Variants in PIK3AP1 observed in about 807,000 individuals in gnomAD.
The protein encoded by PIK3AP1 is phosphoinositide 3-kinase adapter protein 1.
Under a neutral mutation model 88.1 loss-of-function variants are expected in PIK3AP1, and 21 were observed. The ratio of observed to expected loss-of-function variants is 0.24; its 90% confidence interval spans 0.17 to 0.34. The LOEUF (loss-of-function observed/expected upper bound fraction) is 0.34. Ranked by LOEUF, PIK3AP1 falls within the 10% of genes least tolerant of loss-of-function variation. PIK3AP1 has a pLI of 1.00. For missense variants in PIK3AP1, 828 were observed against 1,035.7 expected, an observed-to-expected ratio of 0.80 and a Z score of 2.75; for synonymous variants, 398 against 400.0, an observed-to-expected ratio of 1.00 and a Z score of 0.06.
intron 16 of PIK3AP1, among the ~76,000 whole-genome samples, chr10:96,598,915 G>C (rs957537667): frequency 6.6e-6 from 1 of 152,250 alleles, no homozygotes; most frequent in Admixed American, 6.5e-5. Context: ...AGAGGGGCAG[G>C]ACTTGAGCTA....
At chr10:96,704,439 T>G (rs112230838) in intron 2 of PIK3AP1, among the ~76,000 whole-genome samples, 1 of 152,180 alleles carries the variant, frequency 6.6e-6, no homozygotes, top group South Asian at 2.1e-4. Context: ...AGAATCTGGC[T>G]GGGTGCGGTG....
chr10:96,596,487 A>G (rs925117070), intron 16 of PIK3AP1, among the ~76,000 whole-genome samples: 3 of 152,126 alleles, frequency 2.0e-5, no homozygotes, highest in African/African-American at 7.2e-5. Context: ...CCTACATAAT[A>G]ATAAAACCTA....
chr10:96,666,849 G>A (rs540487056), intron 2 of PIK3AP1, among the ~76,000 whole-genome samples: 4 of 152,056 alleles, frequency 2.6e-5, no homozygotes, highest in Admixed American at 1.3e-4. Context: ...GCAGCAGCAC[G>A]GAGCAGAGGT....
At chr10:96,617,728 A>G (rs1489906579) in intron 12 of PIK3AP1, among the ~76,000 whole-genome samples, 1 of 152,162 alleles carries the variant, frequency 6.6e-6, no homozygotes, top group Non-Finnish European at 1.5e-5. Flanking sequence ...TGACTGGGTG[A>G]GCGGAAGCAC....
chr10:96,604,860 A>G (rs1473371023), intron 14 of PIK3AP1, among the ~76,000 whole-genome samples: 3 of 152,074 alleles, frequency 2.0e-5, no homozygotes, highest in Non-Finnish European at 4.4e-5. Context: ...ACTCAAAAGT[A>G]TAATTTTTTT....
rs545863679 is a variant in PIK3AP1 at position 96,693,281 on chromosome 10, A to C, written c.430+16286T>G. 2.0e-5 allele frequency among the ~76,000 whole-genome samples: 3 copies of C among 152,186 alleles called. No homozygotes were observed. In the East Asian group the frequency reaches 5.8e-4, roughly 29 times the overall value. ...AAGACAGCAGTGAGCAATCCCCCCA[A>C]CTTCCCACCCCACCCTGCTCTTCTG... On this transcript the variant is annotated intron_variant, in intron 2 of 16. Transcript: ENST00000339364.
In PIK3AP1 at chr10:96,620,680, T is replaced by C. The variant is rs1038408144; in HGVS notation, c.1736-123A>G. 5 of 782,040 alleles carry C rather than the reference T, an allele frequency of 6.4e-6. No individual in the cohort carries two copies. In the African/African-American group the frequency reaches 8.7e-5, roughly 14 times the overall value. 48.4% of individuals were successfully genotyped at this position (782,040 alleles called of 1,614,324 possible). On this transcript the variant is annotated intron_variant, in intron 11 of 16. Coordinates refer to ENST00000339364, the MANE Select transcript of PIK3AP1 (RefSeq NM_152309.3). ...CTCTTCTCAAAAGAACAATTACATGTGGCCAAGAAGGGGGAGATACAACAT... is the reference window on the plus strand; with the variant it reads ...CTCTTCTCAAAAGAACAATTACATGCGGCCAAGAAGGGGGAGATACAACAT...
intron 8 of PIK3AP1, among the ~76,000 whole-genome samples, chr10:96,637,573 C>A (rs1404315643): frequency 6.6e-6 from 1 of 151,996 alleles, no homozygotes; most frequent in Non-Finnish European, 1.5e-5. Context: ...TGATCTTGAA[C>A]TACTATACTC....
chr10:96,635,353 T>G (rs1843298711), intron 8 of PIK3AP1, among the ~76,000 whole-genome samples: 1 of 152,208 alleles, frequency 6.6e-6, no homozygotes, highest in African/African-American at 2.4e-5. Context: ...TGTTCTGATA[T>G]AGACATTATT....
In PIK3AP1 at chr10:96,709,919, G is replaced by A. The variant is rs753566342; in HGVS notation, c.78C>T (p.Tyr26=). The stretch of plus-strand genomic sequence containing the variant: ...GACTGGACAGGAACAGGGTCTGCAG[G>A]TACTGGCACCATTCCTCGGCATCCG... ...YSPDAEEWCQ[Y]LQTLFLSSRQ... Residue 26 remains tyrosine, a synonymous_variant, in exon 2 of 17, where the codon TAC becomes TAT. Transcript: ENST00000339364. The A allele has an allele frequency of 1.2e-6, 2 of 1,609,574 alleles. No homozygotes were observed. Among genetic ancestry groups the A allele is most frequent in the South Asian group, 2.2e-5 (2 of 90,968 alleles).
intron 14 of PIK3AP1, among the ~76,000 whole-genome samples, chr10:96,608,524 C>T (rs36098523): frequency 2.0e-5 from 3 of 152,242 alleles, no homozygotes; most frequent in East Asian, 3.9e-4. Flanking sequence ...AGGATCTACT[C>T]GCACCTTTGC....
chr10:96,643,475 A>G (rs1320820280), intron 8 of PIK3AP1, among the ~76,000 whole-genome samples: 3 of 152,148 alleles, frequency 2.0e-5, no homozygotes, highest in Non-Finnish European at 4.4e-5. Flanking sequence ...TGTGGATGGT[A>G]GCGATGGTGC....
At chr10:96,651,169 G>A (rs762743987) in intron 6 of PIK3AP1, 79 bp downstream of exon 6, 37 of 1,559,280 alleles carry the variant, frequency 2.4e-5, no homozygotes, top group Admixed American at 3.3e-5. Flanking sequence ...GAAGGTAAAC[G>A]CGTATGTTGA....
intron 2 of PIK3AP1, among the ~76,000 whole-genome samples, chr10:96,671,824 T>G (rs767839980): frequency 1.3e-5 from 2 of 152,082 alleles, no homozygotes; most frequent in Admixed American, 6.5e-5. Context: ...GCAGATCACT[T>G]GAGGCCAGGA....
chr10:96,711,924 T>A (rs185612413), intron 1 of PIK3AP1, among the ~76,000 whole-genome samples: 9,664 of 151,278 alleles, frequency 0.064, 1,028 homozygotes, highest in African/African-American at 0.22. Context: ...CTAATTTTTT[T>A]TTTTTATTTT....
At chr10:96,619,785 T>C (rs1843051635) in intron 12 of PIK3AP1, among the ~76,000 whole-genome samples, 1 of 152,216 alleles carries the variant, frequency 6.6e-6, no homozygotes, top group Non-Finnish European at 1.5e-5. Flanking sequence ...AGGTGGCCCC[T>C]GGAATGGGCC....
chr10:96,695,202 C>A (rs1373556326), intron 2 of PIK3AP1, among the ~76,000 whole-genome samples: 1 of 152,080 alleles, frequency 6.6e-6, no homozygotes, highest in African/African-American at 2.4e-5. Context: ...AAAAGGAAAA[C>A]CCTGGTTCAG....
At chr10:96,648,148 G>A (rs1376193070) in intron 7 of PIK3AP1, among the ~76,000 whole-genome samples, 3 of 152,136 alleles carry the variant, frequency 2.0e-5, no homozygotes, top group Admixed American at 1.3e-4. Flanking sequence ...CTTTATTGAG[G>A]TTTCTGCTGA....
intron 2 of PIK3AP1, among the ~76,000 whole-genome samples, chr10:96,678,060 C>T (rs1361217554): frequency 6.6e-6 from 1 of 152,042 alleles, no homozygotes; most frequent in Non-Finnish European, 1.5e-5. Flanking sequence ...ACCTCCTGGG[C>T]TCAAATGATC....
Sources: gnomAD v4.1 joint callset for allele counts (sites outside exome capture counted in the v4.1 genomes callset) on GRCh38, gnomAD v4.1.1 for gene constraint, MANE v1.5 for transcripts, NCBI Gene and HGNC (gene_info 2026-07-23, HGNC 2026-07-21) for gene names.